Variants in FAM3D observed in about 807,000 individuals in gnomAD.
FAM3D encodes FAM3 metabolism regulating signaling molecule D.
FAM3D carries 26 observed loss-of-function variants against 29.8 expected under a neutral mutation model. The ratio of observed to expected loss-of-function variants is 0.87; its 90% CI spans 0.64 to 1.21. FAM3D has a LOEUF of 1.21. FAM3D is among the 50% of genes most tolerant of loss of function. The pLI is 0.00. For synonymous variants in FAM3D, 115 were observed against 102.3 expected (o/e 1.12, Z -0.75); for missense variants, 253 against 290.9 (o/e 0.87, Z 0.95).
At chr3:58,661,059 C>T (rs1018727011) in intron 1 of FAM3D, among the ~76,000 whole-genome samples, 12 of 152,234 alleles carry the variant, frequency 7.9e-5, no homozygotes, top group Non-Finnish European at 1.6e-4. Context: ...AACTACTCAA[C>T]TCTGCCTTTG....
chr3:58,637,001 T>G, intron 8 of FAM3D, 140 bp downstream of exon 8: 1 of 714,940 alleles, frequency 1.4e-6, no homozygotes, highest in Non-Finnish European at 2.4e-6. Context: ...AGAACATTTC[T>G]TTGCATACTT....
At chr3:58,663,584 C>T (rs781636621) in intron 1 of FAM3D, among the ~76,000 whole-genome samples, 4 of 152,176 alleles carry the variant, frequency 2.6e-5, no homozygotes, top group Non-Finnish European at 5.9e-5. Flanking sequence ...TCGGATTACA[C>T]TCCCACCCTA....
intron 1 of FAM3D, among the ~76,000 whole-genome samples, chr3:58,663,305 C>T (rs2106961970): frequency 6.6e-6 from 1 of 152,156 alleles, no homozygotes; most frequent in East Asian, 1.9e-4. Flanking sequence ...ATATCTTTGC[C>T]ACCACATGAA....
intron 3 of FAM3D, among the ~76,000 whole-genome samples, chr3:58,650,998 TG>T (rs1210877728): frequency 1.3e-5 from 2 of 149,628 alleles, no homozygotes; most frequent in East Asian, 3.9e-4. Flanking sequence ...ATTACAGGCG[TG>T]AGCCACCGTG....
At chr3:58,654,502 C>T (rs1025147169) in intron 2 of FAM3D, among the ~76,000 whole-genome samples, 4 of 152,184 alleles carry the variant, frequency 2.6e-5, no homozygotes, top group African/African-American at 9.7e-5. Context: ...TTTCTGATTC[C>T]CCATGTGATT....
At chr3:58,646,538 A>T (rs1284569141) in intron 4 of FAM3D, among the ~76,000 whole-genome samples, 1 of 152,206 alleles carries the variant, frequency 6.6e-6, no homozygotes, top group Non-Finnish European at 1.5e-5. Flanking sequence ...ATTCATCCTA[A>T]TGTGTGCTTT....
At chr3:58,652,208 C>T (rs1447630256) in intron 3 of FAM3D, among the ~76,000 whole-genome samples, 1 of 152,198 alleles carries the variant, frequency 6.6e-6, no homozygotes, top group Admixed American at 6.5e-5. Flanking sequence ...GTTTTTAAAT[C>T]TCCTCAAGCT....
intron 1 of FAM3D, among the ~76,000 whole-genome samples, chr3:58,658,727 G>A (rs913575594): frequency 6.6e-6 from 1 of 152,164 alleles, no homozygotes. Context: ...GTTCAGGAGT[G>A]AGCATGTGAC....
chr3:58,649,014 G>C (rs552198305), intron 4 of FAM3D, among the ~76,000 whole-genome samples: 10 of 152,298 alleles, frequency 6.6e-5, no homozygotes, highest in Non-Finnish European at 1.3e-4. Flanking sequence ...TCAGAGACAG[G>C]GGGCAGGGGC....
intron 4 of FAM3D, among the ~76,000 whole-genome samples, chr3:58,647,486 T>A (rs2066514319): frequency 6.6e-6 from 1 of 152,198 alleles, no homozygotes; most frequent in Admixed American, 6.5e-5. Context: ...CACCCGGGGA[T>A]CTCACCTATG....
chr3:58,649,988 G>A (rs2066588232), intron 3 of FAM3D, among the ~76,000 whole-genome samples: 2 of 152,206 alleles, frequency 1.3e-5, no homozygotes, highest in Non-Finnish European at 2.9e-5. Flanking sequence ...TGCTGCTGTG[G>A]GTGTTTGGCC....
At chr3:58,650,933 G>A (rs920782006) in intron 3 of FAM3D, among the ~76,000 whole-genome samples, 7 of 151,964 alleles carry the variant, frequency 4.6e-5, no homozygotes, top group African/African-American at 1.7e-4. Context: ...TAGCCAGGAT[G>A]GTCTCCATCT....
chr3:58,662,128 C>T (rs1490401349), intron 1 of FAM3D, among the ~76,000 whole-genome samples: 1 of 149,218 alleles, frequency 6.7e-6, no homozygotes, highest in African/African-American at 2.4e-5. Flanking sequence ...AGAGGACAAA[C>T]TGGATCAGGG....
chr3:58,649,485 C>T lies in FAM3D; in HGVS notation c.122-147G>A, dbSNP rs1351492844. ...AACTAAAAATGCCTTGCCACTGTCA[C>T]CCCTTCACACACATACATACACACA... On this transcript the variant is annotated intron_variant, in intron 3 of 9. Coordinates refer to ENST00000358781, the MANE Select transcript of FAM3D (RefSeq NM_138805.3). 5 of 818,226 alleles carry T rather than the reference C, an allele frequency of 6.1e-6. No individual in the cohort carries two copies. The East Asian group carries it at 1.3e-4, about 22-fold the overall frequency. 50.7% of individuals were successfully genotyped at this position (818,226 alleles called of 1,614,324 possible).
intron 1 of FAM3D, chr3:58,657,387 G>C (rs1575491453): frequency 6.6e-6 from 1 of 151,126 alleles, no homozygotes; most frequent in South Asian, 2.1e-4. Context: ...GTGGGGAAGA[G>C]AGAGAGAGAG....
intron 5 of FAM3D, among the ~76,000 whole-genome samples, chr3:58,645,054 C>A (rs577551929): frequency 6.6e-6 from 1 of 152,246 alleles, no homozygotes; most frequent in Non-Finnish European, 1.5e-5. Context: ...AGGTACACAG[C>A]CTTTCTCCTG....
In FAM3D at chr3:58,636,303, G is replaced by A. The variant is rs2289744; in HGVS notation, c.576C>T (p.Pro192=). 365 of 1,613,998 alleles carry A rather than the reference G, an allele frequency of 2.3e-4. 3 individuals are homozygous for A. In the East Asian group the frequency reaches 8.0e-3, roughly 35 times the overall value. Residue 192 remains proline (P), a synonymous_variant, in exon 9 of 10, where the codon CCC becomes CCT. Coordinates refer to ENST00000358781, the MANE Select transcript of FAM3D (RefSeq NM_138805.3). ...GTGGCCCAGAACCCACCTGCTCAAAGGGGCTTTTACCCCTGAGGTCTTTGG... is the reference window on the plus strand; with the variant it reads ...GTGGCCCAGAACCCACCTGCTCAAAAGGGCTTTTACCCCTGAGGTCTTTGG... The part of the protein sequence containing the change: ...IGAKDLRGKS[P]FEQFLKNSPD...
chr3:58,652,688 A>G (rs2066674297), intron 3 of FAM3D, among the ~76,000 whole-genome samples: 6 of 150,366 alleles, frequency 4.0e-5, no homozygotes. Context: ...CCATTCACAC[A>G]TTCACCCACT....
rs1559505377 is a variant in FAM3D, at chr3:58,653,634, TG to T, written c.121+39del. On this transcript the variant is annotated intron_variant, in intron 3 of 9. Transcript: ENST00000358781. ...AGAATATGTCTTCGGCCCCCAGGCC[TG>T]GTCTGCAGTTCCTGCCCCCAGCAGT... is the stretch of plus-strand genomic sequence containing the variant. The T allele has an allele frequency of 1.9e-6, 3 of 1,572,556 alleles. No homozygotes were observed. In the African/African-American group the frequency reaches 4.0e-5, roughly 21 times the overall value.
Sources: allele counts gnomAD v4.1 joint callset (sites outside exome capture counted in the v4.1 genomes callset), GRCh38; gene constraint gnomAD v4.1.1; transcripts MANE v1.5; gene names NCBI Gene and HGNC (gene_info 2026-07-23, HGNC 2026-07-21).